Variants in KSR1 observed in about 807,000 individuals in gnomAD.
KSR1 encodes kinase suppressor of ras.
KSR1 carries 35 observed loss-of-function variants against 92.9 expected under a neutral mutation model. The observed-to-expected ratio is 0.38, with a 90% CI of 0.29 to 0.50. The LOEUF (loss-of-function observed/expected upper bound fraction) is 0.50. KSR1 is among the 20% of genes least tolerant of loss of function. The probability of loss-of-function intolerance (pLI) is 0.94; values close to 1 mark genes in which losing one functional copy is unlikely to be tolerated. For missense variants in KSR1, 972 were observed against 1,158.5 expected (o/e 0.84, Z 2.34); for synonymous variants, 467 against 472.6 (o/e 0.99, Z 0.15).
At chr17:27,460,642 C>T (rs2019390560) in intron 1 of KSR1, among the ~76,000 whole-genome samples, 1 of 152,142 alleles carries the variant, frequency 6.6e-6, no homozygotes, top group Non-Finnish European at 1.5e-5. Flanking sequence ...AGGGGAGGCC[C>T]TCCTGCCATC....
chr17:27,463,260 A>T (rs1597818917), intron 1 of KSR1, among the ~76,000 whole-genome samples: 1 of 152,308 alleles, frequency 6.6e-6, no homozygotes, highest in East Asian at 1.9e-4. Flanking sequence ...CTGTAATCCC[A>T]GCACCTTGAG....
intron 9 of KSR1, among the ~76,000 whole-genome samples, chr17:27,593,712 C>A (rs1456247061): frequency 6.6e-6 from 1 of 152,212 alleles, no homozygotes; most frequent in East Asian, 1.9e-4. Flanking sequence ...AATGGGGAGG[C>A]AGCGGGAAAG....
At chr17:27,484,219 G>A (rs918002450) in intron 1 of KSR1, among the ~76,000 whole-genome samples, 2 of 152,190 alleles carry the variant, frequency 1.3e-5, no homozygotes, top group Non-Finnish European at 1.5e-5. Context: ...ATTTCAGAGA[G>A]TGATAATAAT....
intron 9 of KSR1, 66 bp from the exon 10 acceptor site, chr17:27,597,202 T>C: frequency 6.7e-7 from 1 of 1,496,818 alleles, no homozygotes; most frequent in Non-Finnish European, 9.1e-7. Context: ...GAAGGGAGGG[T>C]GTGGCTGGTG....
At chr17:27,463,412 G>A (rs556360819) in intron 1 of KSR1, among the ~76,000 whole-genome samples, 1 of 151,988 alleles carries the variant, frequency 6.6e-6, no homozygotes, top group East Asian at 1.9e-4. Flanking sequence ...GGAGGCTGAG[G>A]TGGAGGTTGC....
chr17:27,481,002 TA>T (rs1450478580), intron 1 of KSR1, among the ~76,000 whole-genome samples: 2 of 152,220 alleles, frequency 1.3e-5, no homozygotes, highest in Non-Finnish European at 2.9e-5. Context: ...AAAACAAAAC[TA>T]CCTTTGATGG....
In KSR1 at chr17:27,509,476, A is replaced by T. The variant is rs530045154; in HGVS notation, c.232-41092A>T. 6.6e-5 allele frequency among the ~76,000 whole-genome samples: 10 copies of T among 151,440 alleles called. No individual in the cohort carries two copies. In the East Asian group the frequency reaches 1.8e-3, roughly 27 times the overall value. Reference sequence around the variant, plus strand: ...CGGCTATTTTTTGTATTTTTAGGAGAGACGGGGTTTCACCATGTTAGTCAG... The same window carrying T: ...CGGCTATTTTTTGTATTTTTAGGAGTGACGGGGTTTCACCATGTTAGTCAG... On this transcript the variant is annotated intron_variant, in intron 1 of 20. Transcript: ENST00000644974.
chr17:27,507,400 T>C (rs1332820665), intron 1 of KSR1, among the ~76,000 whole-genome samples: 1 of 151,924 alleles, frequency 6.6e-6, no homozygotes, highest in African/African-American at 2.4e-5. Flanking sequence ...GCCACTGCAC[T>C]CTAGCCTGGG....
chr17:27,509,200 A>G (rs986297410), intron 1 of KSR1, among the ~76,000 whole-genome samples: 4 of 152,136 alleles, frequency 2.6e-5, no homozygotes, highest in African/African-American at 9.7e-5. Context: ...GCTTTTAAAT[A>G]CCAAATAAAT....
chr17:27,590,942 A>G (rs574825516), intron 7 of KSR1, 48 bp downstream of exon 7: 12 of 1,500,800 alleles, frequency 8.0e-6, no homozygotes, highest in African/African-American at 1.4e-5. Context: ...CTTTTAGTTC[A>G]GTAAATCAAA....
intron 1 of KSR1, among the ~76,000 whole-genome samples, chr17:27,491,304 GGTGTGTGT>G (rs60738939): frequency 0.035 from 3,856 of 110,022 alleles, 258 homozygotes; most frequent in African/African-American, 0.13. Flanking sequence ...TTTTGTTAGT[GGTGTGTGT>G]GTGTGTGTGT....
In KSR1 at chr17:27,459,208, C is replaced by T. The variant is rs1164048638; in HGVS notation, c.231+2334C>T. 1.1e-4 allele frequency among the ~76,000 whole-genome samples: 16 copies of T among 152,288 alleles called. No individual in the cohort carries two copies. Among genetic ancestry groups the T allele is most frequent in the Middle Eastern group, 3.4e-3 (1 of 294 alleles). On this transcript the variant is annotated intron_variant, in intron 1 of 20. Coordinates refer to ENST00000644974, the MANE Select transcript of KSR1 (RefSeq NM_001394583.1). The surrounding 1 kb of genome is among the most constrained non-coding windows in gnomAD (Gnocchi z 4.6). ...AGCTCTCCTGTCTGTAAAATAGGAACGAGACTGCTCACACCTGCAGCATTT... is the reference window on the plus strand; with the variant it reads ...AGCTCTCCTGTCTGTAAAATAGGAATGAGACTGCTCACACCTGCAGCATTT...
intron 1 of KSR1, among the ~76,000 whole-genome samples, chr17:27,546,438 G>T (rs1217813482): frequency 6.6e-6 from 1 of 152,178 alleles, no homozygotes; most frequent in Non-Finnish European, 1.5e-5. Context: ...TTTGAACCCA[G>T]ATGTGTTCAA....
chr17:27,469,384 GT>G (rs1445247407), intron 1 of KSR1, among the ~76,000 whole-genome samples: 1 of 152,164 alleles, frequency 6.6e-6, no homozygotes, highest in Non-Finnish European at 1.5e-5. Flanking sequence ...CAGTCTCTGA[GT>G]TTGGCCTCCA....
chr17:27,476,770 C>T (rs1442078736), intron 1 of KSR1, among the ~76,000 whole-genome samples: 1 of 149,594 alleles, frequency 6.7e-6, no homozygotes, highest in Non-Finnish European at 1.5e-5. Context: ...TGTCTATGTT[C>T]TGGGCTCTCA....
chr17:27,520,319 C>G (rs2069969350), intron 1 of KSR1, among the ~76,000 whole-genome samples: 1 of 152,180 alleles, frequency 6.6e-6, no homozygotes, highest in African/African-American at 2.4e-5. Flanking sequence ...GGGACACATT[C>G]CTAGATCCAA....
chr17:27,497,399 C>G (rs1488183472), intron 1 of KSR1, among the ~76,000 whole-genome samples: 1 of 152,168 alleles, frequency 6.6e-6, no homozygotes, highest in African/African-American at 2.4e-5. Context: ...GGATGGTGCC[C>G]AGATGTGGCT....
chr17:27,621,714 G>A (rs550845046), intron 20 of KSR1, among the ~76,000 whole-genome samples: 56 of 152,272 alleles, frequency 3.7e-4, no homozygotes, highest in East Asian at 2.7e-3. Flanking sequence ...TGTGCCCTGC[G>A]GGAGCTTAGA....
At chr17:27,611,965 T>A (rs8073302) in intron 18 of KSR1, among the ~76,000 whole-genome samples, 4,002 of 152,210 alleles carry the variant, frequency 0.026, 151 homozygotes, top group African/African-American at 0.089. Flanking sequence ...TAATTTTTTT[T>A]AAAAAAATCA....
Sources: allele counts gnomAD v4.1 joint callset (sites outside exome capture counted in the v4.1 genomes callset), GRCh38; gene constraint gnomAD v4.1.1; non-coding constraint Gnocchi (gnomAD v3.1); transcripts MANE v1.5; gene names NCBI Gene and HGNC (gene_info 2026-07-23, HGNC 2026-07-21).